The following EHMT1 variants were observed in gnomAD, a reference collection of about 807,000 sequenced individuals.
EHMT1 encodes euchromatic histone lysine methyltransferase 1.
A neutral mutation model predicts 147.2 loss-of-function variants in EHMT1; 15 were observed. That is an observed-to-expected ratio of 0.10 (90% CI 0.07 to 0.16). EHMT1 has a LOEUF of 0.16. Among genes scored for constraint, EHMT1 ranks in the 10% least tolerant of loss-of-function variants. The pLI is 1.00. For missense variants in EHMT1, 1,587 were observed against 1,772.4 expected, an observed-to-expected ratio of 0.90 and a Z score of 1.88; for synonymous variants, 795 against 709.6, an observed-to-expected ratio of 1.12 and a Z score of -1.91.
intron 1 of EHMT1, among the ~76,000 whole-genome samples, chr9:137,666,777 TAG>T (rs991275772): frequency 3.3e-5 from 5 of 152,036 alleles, no homozygotes; most frequent in Non-Finnish European, 7.4e-5. Context: ...GTGAGGAGGG[TAG>T]AGAGGCAGCA....
intron 1 of EHMT1, among the ~76,000 whole-genome samples, chr9:137,653,426 G>A (rs1027137610): frequency 6.6e-6 from 1 of 152,132 alleles, no homozygotes; most frequent in Admixed American, 6.5e-5. Context: ...GCTTAACGTT[G>A]AATTTCCCAG....
chr9:137,816,492 G>T, intron 23 of EHMT1: 2 of 308,578 alleles, frequency 6.5e-6, no homozygotes, highest in South Asian at 5.8e-5. Context: ...CTCAGGCTGC[G>T]TGGACTCCTT....
chr9:137,828,881 T>TG lies in EHMT1; in HGVS notation c.3541-5467dup, dbSNP rs1956005443. The stretch of plus-strand genomic sequence containing the variant: ...CCGCCTCTGTGCCTCCCCTCCTGCT[T>TG]GCTGCGTGGGGGCTTGTGGAGCCTG... On this transcript the variant is annotated intron_variant, in intron 25 of 26. Coordinates refer to ENST00000460843, the MANE Select transcript of EHMT1 (RefSeq NM_024757.5). The surrounding 1 kb of genome is among the most constrained non-coding windows in gnomAD (Gnocchi z 5.3). Among the ~76,000 whole-genome samples the TG allele has an allele frequency of 6.6e-6, 1 of 152,118 alleles. No homozygotes were observed. Among genetic ancestry groups the TG allele is most frequent in the South Asian group, 2.1e-4 (1 of 4,832 alleles).
At position 137,798,900 on chromosome 9, in the gene EHMT1, G is replaced by T; in HGVS notation, c.2593G>T (p.Asp865Tyr). 1 of 1,613,368 alleles carries T rather than the reference G, an allele frequency of 6.2e-7. No homozygotes were observed. Among genetic ancestry groups the T allele is most frequent in the Non-Finnish European group, 8.5e-7 (1 of 1,179,268 alleles). Reference sequence around the variant, plus strand: ...GTACCTGCTTTCAAATGGACAGATGGACGTCAACTGTCAGGTACAGCCACC... The same window carrying T: ...GTACCTGCTTTCAAATGGACAGATGTACGTCAACTGTCAGGTACAGCCACC... The part of the protein sequence containing the change: ...VQYLLSNGQM[D>Y]VNCQDDGGWT... Residue 865 changes from aspartate (D) to tyrosine (Y), a missense_variant, in exon 17 of 27, where the codon GAC becomes TAC. Transcript: ENST00000460843.
chr9:137,818,227 G>GA (rs1463567480), intron 25 of EHMT1, 89 bp downstream of exon 25: 1 of 1,420,214 alleles, frequency 7.0e-7, no homozygotes, highest in Non-Finnish European at 1.0e-6. Flanking sequence ...GGATTCAGAA[G>GA]AGAGCTCTTA....
chr9:137,833,189 G>A (rs1262563894), intron 25 of EHMT1, among the ~76,000 whole-genome samples: 4 of 152,172 alleles, frequency 2.6e-5, no homozygotes, highest in Admixed American at 2.6e-4. Flanking sequence ...GTTCATGCTG[G>A]GGCAGGTTGT....
At chr9:137,684,463 C>T (rs868278397) in intron 1 of EHMT1, among the ~76,000 whole-genome samples, 1 of 152,094 alleles carries the variant, frequency 6.6e-6, no homozygotes, top group African/African-American at 2.4e-5. Context: ...GCGTGTATTT[C>T]CTACAAAGCC....
intron 1 of EHMT1, among the ~76,000 whole-genome samples, chr9:137,621,667 C>G (rs1842944796): frequency 6.6e-6 from 1 of 152,074 alleles, no homozygotes; most frequent in African/African-American, 2.4e-5. Flanking sequence ...CCTCCATTCC[C>G]CATTTGTGGA....
intron 19 of EHMT1, 45 bp downstream of exon 19, chr9:137,811,660 C>T (rs375215195): frequency 2.5e-6 from 4 of 1,598,568 alleles, no homozygotes; most frequent in South Asian, 2.2e-5. Context: ...CTGACCTGAC[C>T]TGGGCGCCCA....
At chr9:137,664,249 G>A (rs1162467857) in intron 1 of EHMT1, among the ~76,000 whole-genome samples, 2 of 151,534 alleles carry the variant, frequency 1.3e-5, no homozygotes, top group Non-Finnish European at 2.9e-5. Context: ...GTTGCCCCCA[G>A]AGAGATTTTA....
chr9:137,736,173 TA>T (rs1253454375), intron 4 of EHMT1, among the ~76,000 whole-genome samples: 1 of 152,024 alleles, frequency 6.6e-6, no homozygotes, highest in Non-Finnish European at 1.5e-5. Context: ...AATTTAAAAA[TA>T]AAAATTTATT....
At chr9:137,711,081 G>C in intron 2 of EHMT1, 51 bp downstream of exon 2, 7 of 1,534,292 alleles carry the variant, frequency 4.6e-6, no homozygotes, top group Non-Finnish European at 6.2e-6. Flanking sequence ...CTCCAGACTA[G>C]AAAACCTGCT....
rs1947124542 is a variant in EHMT1, at chr9:137,731,692, C to G, written c.823+3163C>G. On this transcript the variant is annotated intron_variant, in intron 4 of 26. Transcript: ENST00000460843. This position sits in a 1 kb window ranked among gnomAD's most constrained non-coding sequence, Gnocchi z 4.3. ...GAGTTTCACTTGCACCTGCTGGGCTCATTCTGCCCACTCGGCCCAGCAGGC... is the reference window on the plus strand; with the variant it reads ...GAGTTTCACTTGCACCTGCTGGGCTGATTCTGCCCACTCGGCCCAGCAGGC... Among the ~76,000 whole-genome samples, 1 of 152,148 alleles carries G rather than the reference C, an allele frequency of 6.6e-6. No homozygotes were observed. Among genetic ancestry groups the G allele is most frequent in the African/African-American group, 2.4e-5 (1 of 41,444 alleles).
intron 16 of EHMT1, 114 bp from the exon 17 acceptor site, chr9:137,798,699 G>T: frequency 1.1e-6 from 1 of 879,482 alleles, no homozygotes; most frequent in South Asian, 1.3e-5. Context: ...CATTTGAGCA[G>T]GACAGTACCC....
chr9:137,754,356 C>T (rs1157165783), intron 8 of EHMT1, 65 bp downstream of exon 8: 1 of 1,604,534 alleles, frequency 6.2e-7, no homozygotes, highest in Non-Finnish European at 8.5e-7. Context: ...CCAGGAGGCC[C>T]ACCTGGGGTT....
intron 1 of EHMT1, among the ~76,000 whole-genome samples, chr9:137,664,568 C>T (rs1429502909): frequency 2.0e-5 from 3 of 152,004 alleles, no homozygotes; most frequent in African/African-American, 4.8e-5. Context: ...CCGATACTCT[C>T]ATTGACAGAC....
chr9:137,802,724 G>A (rs1000439228), intron 18 of EHMT1: 37 of 995,376 alleles, frequency 3.7e-5, no homozygotes, highest in Non-Finnish European at 4.5e-5. Flanking sequence ...CTGCCTCCCT[G>A]CAGGCACGCA....
intron 14 of EHMT1, among the ~76,000 whole-genome samples, chr9:137,780,256 G>A (rs1050734387): frequency 6.9e-6 from 1 of 145,584 alleles, no homozygotes. Context: ...TGGTGATGAC[G>A]CTGGGATGTG....
At chr9:137,661,238 T>G (rs555641644) in intron 1 of EHMT1, among the ~76,000 whole-genome samples, 1 of 152,296 alleles carries the variant, frequency 6.6e-6, no homozygotes, top group Non-Finnish European at 1.5e-5. Flanking sequence ...ATTCTATATA[T>G]CTATCCATCT....
Sources: gnomAD v4.1 joint callset for allele counts (sites outside exome capture counted in the v4.1 genomes callset) on GRCh38, gnomAD v4.1.1 for gene constraint, Gnocchi (gnomAD v3.1) non-coding constraint, MANE v1.5 for transcripts, NCBI Gene and HGNC (gene_info 2026-07-23, HGNC 2026-07-21) for gene names.